Variants in RHOJ observed in about 807,000 individuals in gnomAD.
RHOJ encodes rho-related GTP-binding protein RhoJ.
Under a neutral mutation model 23.4 loss-of-function variants are expected in RHOJ, and 11 were observed. That is an observed-to-expected ratio of 0.47 (90% confidence interval 0.30 to 0.78). The LOEUF (loss-of-function observed/expected upper bound fraction) is 0.78, where lower values mean the gene tolerates loss of function less well. RHOJ is among the 30% of genes least tolerant of loss of function. The pLI is 0.08. For missense variants in RHOJ, 254 were observed against 273.4 expected (o/e 0.93, Z 0.50); for synonymous variants, 102 against 102.7 (o/e 0.99, Z 0.04).
At chr14:63,278,157 T>A (rs537428630) in intron 2 of RHOJ, among the ~76,000 whole-genome samples, 17 of 152,294 alleles carry the variant, frequency 1.1e-4, no homozygotes, top group Non-Finnish European at 2.1e-4. Context: ...GTTTTGGGTT[T>A]ATTTTTTAGG....
intron 1 of RHOJ, among the ~76,000 whole-genome samples, chr14:63,225,808 G>C (rs962413381): frequency 2.0e-5 from 3 of 152,146 alleles, no homozygotes; most frequent in Admixed American, 6.5e-5. Flanking sequence ...GCCTAGAGGG[G>C]AAAAGGACTA....
In RHOJ at chr14:63,291,077, C is replaced by A; in HGVS notation, c.*53C>A. The A allele has an allele frequency of 6.2e-7, 1 of 1,603,558 alleles. No individual in the cohort carries two copies. Among genetic ancestry groups the A allele is most frequent in the Non-Finnish European group, 8.5e-7 (1 of 1,172,806 alleles). Reference sequence around the variant, plus strand: ...TCCAGGGATGAGAATGGCAGCCAATCTCTGTGGCCAAGCTCCAGCCAAAAA... The same window carrying A: ...TCCAGGGATGAGAATGGCAGCCAATATCTGTGGCCAAGCTCCAGCCAAAAA... On this transcript the variant is annotated 3_prime_UTR_variant, in exon 5 of 5. Transcript: ENST00000316754.
At chr14:63,217,422 A>G (rs374813507) in intron 1 of RHOJ, among the ~76,000 whole-genome samples, 1 of 152,104 alleles carries the variant, frequency 6.6e-6, no homozygotes, top group African/African-American at 2.4e-5. Context: ...TAAACCTGAG[A>G]AAAACAAGCA....
intron 1 of RHOJ, among the ~76,000 whole-genome samples, chr14:63,211,726 T>C (rs1894242501): frequency 6.6e-6 from 1 of 152,206 alleles, no homozygotes; most frequent in South Asian, 2.1e-4. Flanking sequence ...CTAACTGTAT[T>C]TTTGTACCTT....
At chr14:63,267,626 A>G (rs538740135) in intron 1 of RHOJ, among the ~76,000 whole-genome samples, 22 of 152,336 alleles carry the variant, frequency 1.4e-4, no homozygotes, top group African/African-American at 5.3e-4. Context: ...CTCTTCTACC[A>G]TTGTGCATGA....
intron 1 of RHOJ, among the ~76,000 whole-genome samples, chr14:63,254,429 T>C (rs1477351914): frequency 1.3e-5 from 2 of 152,080 alleles, no homozygotes; most frequent in East Asian, 1.9e-4. Context: ...GAGAAATGTA[T>C]GTGCTCCTGG....
At chr14:63,237,960 C>T (rs565474583) in intron 1 of RHOJ, among the ~76,000 whole-genome samples, 1 of 152,182 alleles carries the variant, frequency 6.6e-6, no homozygotes, top group Non-Finnish European at 1.5e-5. Flanking sequence ...CTGCTCTGTC[C>T]TGCTGGTCCT....
rs372851693 is a variant in RHOJ, at chr14:63,241,615, C to A, written c.179-27495C>A. Among the ~76,000 whole-genome samples the A allele has an allele frequency of 2.0e-3, 311 of 152,224 alleles. 1 individual carries two copies. The highest frequency in any genetic ancestry group is 7.0e-3 in the African/African-American group (291 of 41,548). ...GACAGGAACATCAATATCCAGTTAA[C>A]TTTGCAGAGCAGTTAGTTATGTTGT... is the stretch of plus-strand genomic sequence containing the variant. On this transcript the variant is annotated intron_variant, in intron 1 of 4. Transcript: ENST00000316754.
chr14:63,242,676 G>C lies in RHOJ; in HGVS notation c.179-26434G>C, dbSNP rs183913836. 2.8e-3 allele frequency among the ~76,000 whole-genome samples: 429 copies of C among 152,284 alleles called. 4 individuals are homozygous for C. Among genetic ancestry groups the C allele is most frequent in the Non-Finnish European group, 4.3e-3 (292 of 68,034 alleles). On this transcript the variant is annotated intron_variant, in intron 1 of 4. Transcript: ENST00000316754. ...CACTTGGAGAAGCCTGGCTGTGATG[G>C]GAAGGCACACATTGACAATCACCAT... is the stretch of plus-strand genomic sequence containing the variant.
chr14:63,263,183 T>C (rs2139650403), intron 1 of RHOJ, among the ~76,000 whole-genome samples: 1 of 152,266 alleles, frequency 6.6e-6, no homozygotes, highest in African/African-American at 2.4e-5. Flanking sequence ...TTTCTCAAGG[T>C]CATTACAGTG....
intron 1 of RHOJ, among the ~76,000 whole-genome samples, chr14:63,220,951 G>C (rs983286823): frequency 1.3e-5 from 2 of 152,076 alleles, no homozygotes; most frequent in Non-Finnish European, 2.9e-5. Context: ...TATCTATACT[G>C]TGTTTGGTCT....
chr14:63,252,319 A>C (rs1895085973), intron 1 of RHOJ, among the ~76,000 whole-genome samples: 1 of 152,164 alleles, frequency 6.6e-6, no homozygotes, highest in Non-Finnish European at 1.5e-5. Context: ...TTGGGGGACC[A>C]TTATTCCACC....
intron 1 of RHOJ, among the ~76,000 whole-genome samples, chr14:63,241,187 G>A (rs939652781): frequency 6.6e-6 from 1 of 152,202 alleles, no homozygotes; most frequent in Middle Eastern, 3.2e-3. Context: ...CATGGTCATT[G>A]AAGTCTACGT....
chr14:63,222,621 T>C (rs996005578), intron 1 of RHOJ, among the ~76,000 whole-genome samples: 1 of 152,256 alleles, frequency 6.6e-6, no homozygotes, highest in African/African-American at 2.4e-5. Flanking sequence ...TGTAAATGTC[T>C]TCTTTTGAGA....
At chr14:63,239,358 C>T (rs1380430993) in intron 1 of RHOJ, among the ~76,000 whole-genome samples, 7 of 152,068 alleles carry the variant, frequency 4.6e-5, no homozygotes, top group African/African-American at 1.4e-4. Context: ...GTGATCCGCC[C>T]GCCTCAGCCT....
At position 63,292,901 on chromosome 14, in the gene RHOJ, G is replaced by A. The variant is rs1049741102; in HGVS notation, c.*1877G>A. 5 of 148,832 alleles carry A rather than the reference G, an allele frequency of 3.4e-5. No homozygotes were observed. Among genetic ancestry groups the A allele is most frequent in the African/African-American group, 1.3e-4 (5 of 39,798 alleles). 9.2% of individuals were successfully genotyped at this position (148,832 alleles called of 1,614,324 possible). ...AGAAGGTAAGGCTGCAGTGAGCTGT[G>A]ACTGTGCCACTACACTCCAGCCTGA... On this transcript the variant is annotated 3_prime_UTR_variant, in exon 5 of 5. Transcript: ENST00000316754.
chr14:63,250,859 C>T (rs1355262156), intron 1 of RHOJ, among the ~76,000 whole-genome samples: 3 of 151,962 alleles, frequency 2.0e-5, no homozygotes, highest in Non-Finnish European at 2.9e-5. Flanking sequence ...TATGGAGAAA[C>T]CCCATCTCTA....
At chr14:63,281,282 G>A (rs1357034550) in intron 3 of RHOJ, 147 bp downstream of exon 3, 15 of 718,264 alleles carry the variant, frequency 2.1e-5, no homozygotes, top group African/African-American at 3.6e-5. Flanking sequence ...TAAGGTGTGC[G>A]TGATGATTTA....
rs572664872 is a variant in RHOJ at position 63,284,346 on chromosome 14, A to G, written c.498+1130A>G. 50 of 985,356 alleles carry G rather than the reference A, an allele frequency of 5.1e-5. No individual in the cohort carries two copies. In the South Asian group the frequency reaches 2.0e-3, roughly 40 times the overall value. The allele number at this position is 985,356 out of a possible 1,614,324, so 61.0% of individuals were successfully genotyped here. ...TCCTACTTCTATGCACAGTAATGTC[A>G]ATACTAACTAGCGCCAGACGTCCAT... is the stretch of plus-strand genomic sequence containing the variant. On this transcript the variant is annotated intron_variant, in intron 4 of 4. Transcript: ENST00000316754.
Sources: gnomAD v4.1 joint callset for allele counts (sites outside exome capture counted in the v4.1 genomes callset) on GRCh38, gnomAD v4.1.1 for gene constraint, MANE v1.5 for transcripts, NCBI Gene and HGNC (gene_info 2026-07-23, HGNC 2026-07-21) for gene names.